USP19: variants seen among roughly 807,000 people sequenced by gnomAD.
USP19 encodes the protein ubiquitin carboxyl-terminal hydrolase 19.
In USP19, 40 loss-of-function variants were observed where a neutral mutation model predicts 144.8. The ratio of observed to expected loss-of-function variants is 0.28; its 90% CI spans 0.21 to 0.36. The LOEUF (loss-of-function observed/expected upper bound fraction) is 0.36. Ranked by LOEUF, USP19 falls within the 10% of genes least tolerant of loss-of-function variation. The pLI is 1.00. For missense variants in USP19, 1,518 were observed against 1,822.5 expected, an observed-to-expected ratio of 0.83 and a Z score of 3.04; for synonymous variants, 701 against 709.3, an observed-to-expected ratio of 0.99 and a Z score of 0.19.
chr3:49,111,867 C>G lies in USP19; in HGVS notation c.2903+44G>C. 2 of 1,608,394 alleles carry G rather than the reference C, an allele frequency of 1.2e-6. No individual in the cohort carries two copies. The highest frequency in any genetic ancestry group is 1.7e-6 in the Non-Finnish European group (2 of 1,176,434). ...CTCCTGACCAGCCCATCTAGCACCT[C>G]TGCCCCCACCTACACCACTCTAGTC... On this transcript the variant is annotated intron_variant, in intron 20 of 26. Coordinates refer to ENST00000417901, the MANE Select transcript of USP19 (RefSeq NM_001199161.2). The surrounding 1 kb of genome is among the most constrained non-coding windows in gnomAD (Gnocchi z 5.9).
chr3:49,109,308 A>G, intron 26 of USP19: 4 of 1,233,826 alleles, frequency 3.2e-6, no homozygotes, highest in Non-Finnish European at 4.3e-6. Flanking sequence ...TTCTAGATCA[A>G]ACAGCAAGGA....
rs2042710522 is a variant in USP19 at position 49,108,907 on chromosome 3, G to A, written c.4039-379C>T. ...TGTTCCCCACAACAAAGGCAGGCAT[G>A]GCCTGGGGCAGGCAGGTAGGCCAGC... On this transcript the variant is annotated intron_variant, in intron 26 of 26. Coordinates refer to ENST00000417901, the MANE Select transcript of USP19 (RefSeq NM_001199161.2). The surrounding 1 kb of genome is among the most constrained non-coding windows in gnomAD (Gnocchi z 4.8). The A allele has an allele frequency of 1.3e-6, 2 of 1,559,498 alleles. No individual in the cohort carries two copies. Among genetic ancestry groups the A allele is most frequent in the African/African-American group, 1.4e-5 (1 of 73,476 alleles).
At position 49,120,398 on chromosome 3, in the gene USP19, G is replaced by A. The variant is rs140153123; in HGVS notation, c.-137+358C>T. On this transcript the variant is annotated intron_variant, in intron 1 of 26. Coordinates refer to ENST00000417901, the MANE Select transcript of USP19 (RefSeq NM_001199161.2). The stretch of plus-strand genomic sequence containing the variant: ...TCGCGTCCCTCCCCCATGCCCCAGG[G>A]ACGTCGAGGCGGGTAAGGGGCTGTT... 792 of 152,214 alleles carry A rather than the reference G, an allele frequency of 5.2e-3. 8 individuals are homozygous for A. The highest frequency in any genetic ancestry group is 0.018 in the African/African-American group (754 of 41,512). The allele number at this position is 152,214 out of a possible 1,614,324, so 9.4% of individuals were successfully genotyped here. A position where few individuals can be genotyped will look rare whatever the true frequency, so the allele number is the denominator to read the frequency against.
At position 49,116,008 on chromosome 3, in the gene USP19, C is replaced by T; in HGVS notation, c.1471+39G>A. The T allele has an allele frequency of 6.4e-7, 1 of 1,574,502 alleles. No individual in the cohort carries two copies. On this transcript the variant is annotated intron_variant, in intron 10 of 26. Coordinates refer to ENST00000417901, the MANE Select transcript of USP19 (RefSeq NM_001199161.2). The surrounding 1 kb of genome is among the most constrained non-coding windows in gnomAD (Gnocchi z 5.0). Reference sequence around the variant, plus strand: ...ATGTGACAGGGGTTTGGGTCCTGGTCACGTGGAACTGGGCAATGAAGGGAG... The same window carrying T: ...ATGTGACAGGGGTTTGGGTCCTGGTTACGTGGAACTGGGCAATGAAGGGAG...
rs1350698599 is a variant in USP19, at chr3:49,114,996, T to C, written c.2144A>G (p.Tyr715Cys). The C allele has an allele frequency of 1.9e-6, 3 of 1,614,058 alleles. No homozygotes were observed. Among genetic ancestry groups the C allele is most frequent in the East Asian group, 2.2e-5 (1 of 44,890 alleles). Residue 715 changes from tyrosine to cysteine, a missense_variant, in exon 14 of 27, where the codon TAC (tyrosine) becomes TGC (cysteine). By Grantham distance (194) the Tyr-to-Cys change is radical (BLOSUM62 -2). Coordinates refer to ENST00000417901, the MANE Select transcript of USP19 (RefSeq NM_001199161.2). The surrounding 1 kb of genome is among the most constrained non-coding windows in gnomAD (Gnocchi z 4.5). ...EDLNRIQNKP[Y>C]TETVDSDGRP... ...CCCATCTGAATCCACGGTCTCTGTG[T>C]AGGGCTTGTTCTGAATGCGATTCAG...
In USP19 at chr3:49,114,310, T is replaced by C. The variant is rs2043708107; in HGVS notation, c.2293-26A>G. On this transcript the variant is annotated intron_variant, in intron 15 of 26. Transcript: ENST00000417901. This position sits in a 1 kb window ranked among gnomAD's most constrained non-coding sequence, Gnocchi z 4.5. ...CTGTGGATGTAGAGGTGGCACTGGG[T>C]AGCTGCACACAGAGTGGGAGATAAG... 6.2e-7 allele frequency: 1 copy of C among 1,603,620 alleles called. No individual in the cohort carries two copies. Among genetic ancestry groups the C allele is most frequent in the African/African-American group, 1.3e-5 (1 of 74,724 alleles).
rs2044372416 is a variant in USP19 at position 49,117,560 on chromosome 3, C to G, written c.483G>C (p.Gln161His). ...DCVVRFAGGQ[Q>H]WGGVFYAEIK... Reference sequence around the variant, plus strand: ...TCTCAGCATAGAAGACACCACCCCACTGCTGACCACCTGGGGACAGAGCAG... The same window carrying G: ...TCTCAGCATAGAAGACACCACCCCAGTGCTGACCACCTGGGGACAGAGCAG... Residue 161 changes from glutamine to histidine, a missense_variant, in exon 5 of 27, where the codon CAG becomes CAC. By Grantham distance (24) the Gln-to-His change is conservative. This residue lies in a region of USP19 where 707 missense variants were observed against 728.9 expected (regional missense o/e 0.97). Coordinates refer to ENST00000417901, the MANE Select transcript of USP19 (RefSeq NM_001199161.2). The surrounding 1 kb of genome is among the most constrained non-coding windows in gnomAD (Gnocchi z 4.4). 1.2e-6 allele frequency: 2 copies of G among 1,614,152 alleles called. No individual in the cohort carries two copies. The highest frequency in any genetic ancestry group is 3.3e-5 in the Admixed American group (2 of 60,034).
Position 49,117,825 on chromosome 3 carries a change from A to C in USP19, c.304T>G (p.Cys102Gly), listed in dbSNP as rs1400302937. The change falls in exon 4 of 27, where the codon TGT (cysteine) becomes GGT (glycine). Residue 102 changes from cysteine to glycine, a missense_variant. Cys to Gly is a radical substitution (Grantham distance 159). Around this residue, in one of 5 missense-constraint regions of USP19, gnomAD observed 707 missense variants for 728.9 expected, o/e 0.97. Coordinates refer to ENST00000417901, the MANE Select transcript of USP19 (RefSeq NM_001199161.2). The surrounding 1 kb of genome is among the most constrained non-coding windows in gnomAD (Gnocchi z 4.4). ...GCCAAGAGATCATGAGGGTCTTCACAAGCTCCTGATGGTGATAAGCAGGTA... is the reference window on the plus strand; with the variant it reads ...GCCAAGAGATCATGAGGGTCTTCACCAGCTCCTGATGGTGATAAGCAGGTA... The part of the protein sequence containing the change: ...PQEEQTKEGA[C>G]EDPHDLLATP... The C allele has an allele frequency of 6.2e-7, 1 of 1,614,160 alleles. No individual in the cohort carries two copies. Among genetic ancestry groups the C allele is most frequent in the East Asian group, 2.2e-5 (1 of 44,880 alleles).
Position 49,116,089 on chromosome 3 carries a change from G to C in USP19, c.1429C>G (p.Gln477Glu), listed in dbSNP as rs919008269. The change falls in exon 10 of 27, where the codon CAG becomes GAG. Residue 477 changes from glutamine (Q) to glutamate (E), a missense_variant. Physicochemically the swap from Gln to Glu is conservative, Grantham distance 29. Around this residue, in one of 5 missense-constraint regions of USP19, gnomAD observed 707 missense variants for 728.9 expected, o/e 0.97. Transcript: ENST00000417901. This position sits in a 1 kb window ranked among gnomAD's most constrained non-coding sequence, Gnocchi z 5.0. ...TCCAGGCCCCCCCAGCGCTGACTCTGCCTCTTACGAAGGCAGATGTCGATG... is the reference window on the plus strand; with the variant it reads ...TCCAGGCCCCCCCAGCGCTGACTCTCCCTCTTACGAAGGCAGATGTCGATG... ...SRIDICLRKR[Q>E]SQRWGGLEAP... is the part of the protein sequence containing the mutation. 1 of 1,612,684 alleles carries C rather than the reference G, an allele frequency of 6.2e-7. No homozygotes were observed. Among genetic ancestry groups the C allele is most frequent in the Non-Finnish European group, 8.5e-7 (1 of 1,179,674 alleles).
Position 49,114,994 on chromosome 3 carries a change from T to C in USP19, c.2146A>G (p.Thr716Ala). 6.2e-7 allele frequency: 1 copy of C among 1,614,170 alleles called. No individual in the cohort carries two copies. Among genetic ancestry groups the C allele is most frequent in the Non-Finnish European group, 8.5e-7 (1 of 1,180,028 alleles). Residue 716 changes from threonine (T) to alanine (A), a missense_variant, in exon 14 of 27, where the codon ACA (threonine) becomes GCA (alanine). By Grantham distance (58) the Thr-to-Ala change is moderately conservative (BLOSUM62 0). Around this residue, in one of 5 missense-constraint regions of USP19, gnomAD observed 158 missense variants for 277.3 expected, o/e 0.57. Coordinates refer to ENST00000417901, the MANE Select transcript of USP19 (RefSeq NM_001199161.2). The surrounding 1 kb of genome is among the most constrained non-coding windows in gnomAD (Gnocchi z 4.5). ...DLNRIQNKPY[T>A]ETVDSDGRPD... ...CGCCCATCTGAATCCACGGTCTCTG[T>C]GTAGGGCTTGTTCTGAATGCGATTC...
rs375838626 is a variant in USP19, at chr3:49,115,780, C to A, written c.1636G>T (p.Ala546Ser). Residue 546 changes from alanine (A) to serine (S), a missense_variant, in exon 11 of 27, where the codon GCA becomes TCA. This residue lies in a region of USP19 where 707 missense variants were observed against 728.9 expected (regional missense o/e 0.97). Transcript: ENST00000417901. The surrounding 1 kb of genome is among the most constrained non-coding windows in gnomAD (Gnocchi z 6.6). ...RSEDTGLDSV[A>S]TRTPMEHVTP... ...ACATGCTCCATGGGTGTGCGGGTTGCCACACTGTCTAGCCCTGTGTCCTCA... is the reference window on the plus strand; with the variant it reads ...ACATGCTCCATGGGTGTGCGGGTTGACACACTGTCTAGCCCTGTGTCCTCA... 6.8e-6 allele frequency: 11 copies of A among 1,613,874 alleles called. No homozygotes were observed. The South Asian group carries it at 1.1e-4, about 16-fold the overall frequency.
Position 49,108,504 on chromosome 3 carries a change from CG to C in USP19, c.4062del (p.Glu1355ArgfsTer69). On this transcript the variant is annotated frameshift_variant, in exon 27 of 27. Coordinates refer to ENST00000417901, the MANE Select transcript of USP19 (RefSeq NM_001199161.2). LOFTEE classifies it high-confidence loss of function. This position sits in a 1 kb window ranked among gnomAD's most constrained non-coding sequence, Gnocchi z 4.8. ...ASQGLGPGQA[P>X]EVAPTRTAPE... Reference sequence around the variant, plus strand: ...GGGGCTGTCCGCGTGGGGGCCACCTCGGGGGCCTGGCCAGGGCCTAGTCCCT... The same window carrying C: ...GGGGCTGTCCGCGTGGGGGCCACCTCGGGGCCTGGCCAGGGCCTAGTCCCT... 9.6e-6 allele frequency: 12 copies of C among 1,249,516 alleles called. No individual in the cohort carries two copies. Among genetic ancestry groups the C allele is most frequent in the East Asian group, 3.3e-5 (1 of 29,982 alleles). 77.4% of individuals were successfully genotyped at this position (1,249,516 alleles called of 1,614,324 possible).
chr3:49,109,914 TGAG>T, intron 26 of USP19: 2 of 319,902 alleles, frequency 6.3e-6, no homozygotes, highest in Non-Finnish European at 1.1e-5. Flanking sequence ...TAGTGCCCAG[TGAG>T]GTTCAGAGCA....
At chr3:49,118,265 TTAAAA>T in intron 2 of USP19, 145 bp from the exon 3 acceptor site, 1 of 366,158 alleles carries the variant, frequency 2.7e-6, no homozygotes, top group Non-Finnish European at 4.9e-6. Flanking sequence ...GACCCTGCCT[TTAAAA>T]AAAAAAAAAA....
intron 17 of USP19, among the ~76,000 whole-genome samples, chr3:49,113,256 A>C (rs996082898): frequency 6.6e-6 from 1 of 152,150 alleles, no homozygotes; most frequent in Admixed American, 6.5e-5. Flanking sequence ...AGGCATACTC[A>C]TGTGTATGTC....
At position 49,117,363 on chromosome 3, in the gene USP19, T is replaced by A; in HGVS notation, c.607-2A>T. 6.3e-7 allele frequency: 1 copy of A among 1,596,944 alleles called. No homozygotes were observed. ...CTCCTGGGTCCCTAGAGGTTTCTTC[T>A]GCCAAAGATACAGCAGTCAGGCCCT... On this transcript the variant is annotated splice_acceptor_variant, in intron 5 of 26. Coordinates refer to ENST00000417901, the MANE Select transcript of USP19 (RefSeq NM_001199161.2). LOFTEE classifies it high-confidence loss of function. The surrounding 1 kb of genome is among the most constrained non-coding windows in gnomAD (Gnocchi z 4.4).
chr3:49,120,403 C>G (rs1481091755), intron 1 of USP19: 1 of 152,198 alleles, frequency 6.6e-6, no homozygotes, highest in African/African-American at 2.4e-5. Context: ...CCAGGGACGT[C>G]GAGGCGGGTA....
In USP19 at chr3:49,114,938, C is replaced by A. The variant is rs768682217; in HGVS notation, c.2181+21G>T. 6 of 1,614,052 alleles carry A rather than the reference C, an allele frequency of 3.7e-6. No individual in the cohort carries two copies. In the African/African-American group the frequency reaches 4.0e-5, roughly 11 times the overall value. On this transcript the variant is annotated intron_variant, in intron 14 of 26. Transcript: ENST00000417901. This position sits in a 1 kb window ranked among gnomAD's most constrained non-coding sequence, Gnocchi z 4.5. ...CTGGGATGCTCATGAGACATGCCCA[C>A]CCTCTGTCCCTAACCCTGACCTCAT...
rs780276182 is a variant in USP19, at chr3:49,115,567, C to G, written c.1765G>C (p.Glu589Gln). 8 of 1,613,610 alleles carry G rather than the reference C, an allele frequency of 5.0e-6. No homozygotes were observed. Reference sequence around the variant, plus strand: ...GGCAGACACACCTTCTTCTCTTCCTCTTCCTCCTCCTCCACGCTGTCTCCA... The same window carrying G: ...GGCAGACACACCTTCTTCTCTTCCTGTTCCTCCTCCTCCACGCTGTCTCCA... ...VSGDSVEEEE[E>Q]EEKKVCLPGF... The change falls in exon 12 of 27, where the codon GAG becomes CAG. Residue 589 changes from glutamate to glutamine, a missense_variant. By Grantham distance (29) the Glu-to-Gln change is conservative. Transcript: ENST00000417901. The surrounding 1 kb of genome is among the most constrained non-coding windows in gnomAD (Gnocchi z 6.6).
Sources: gnomAD v4.1 joint callset for allele counts (sites outside exome capture counted in the v4.1 genomes callset) on GRCh38, gnomAD v4.1.1 for gene constraint, gnomAD v4.1.1 regional missense constraint, Gnocchi (gnomAD v3.1) non-coding constraint, MANE v1.5 for transcripts, NCBI Gene and HGNC (gene_info 2026-07-23, HGNC 2026-07-21) for gene names.